Variants in STXBP5L observed in about 807,000 individuals in gnomAD.
STXBP5L encodes syntaxin binding protein 5L.
In STXBP5L, 65 loss-of-function variants were observed where a neutral mutation model predicts 144.5. The ratio of observed to expected loss-of-function variants is 0.45; its 90% CI spans 0.37 to 0.55. The LOEUF (loss-of-function observed/expected upper bound fraction) is 0.55, where lower values mean the gene tolerates loss of function less well. Among genes scored for constraint, STXBP5L ranks in the 20% least tolerant of loss-of-function variants. The pLI is 0.00. For missense variants in STXBP5L, 1,298 were observed against 1,405.5 expected, an observed-to-expected ratio of 0.92 and a Z score of 1.22; for synonymous variants, 505 against 469.6, an observed-to-expected ratio of 1.08 and a Z score of -0.97.
intron 5 of STXBP5L, among the ~76,000 whole-genome samples, chr3:121,085,606 A>G (rs1035676340): frequency 2.0e-5 from 3 of 152,190 alleles, no homozygotes; most frequent in Non-Finnish European, 2.9e-5. Context: ...ATATCTAGGA[A>G]TATAGCTAAC....
chr3:120,980,614 C>T (rs188630114), intron 3 of STXBP5L, among the ~76,000 whole-genome samples: 1 of 151,912 alleles, frequency 6.6e-6, no homozygotes, highest in Non-Finnish European at 1.5e-5. Flanking sequence ...AGGTGGGTTT[C>T]TTATAAGAAG....
At chr3:121,325,264 A>G (rs1182316984) in intron 20 of STXBP5L, among the ~76,000 whole-genome samples, 1 of 152,066 alleles carries the variant, frequency 6.6e-6, no homozygotes, top group Non-Finnish European at 1.5e-5. Context: ...CCCCAAATAA[A>G]GTCAGTAGCC....
At chr3:121,344,140 C>A (rs1024698157) in intron 20 of STXBP5L, among the ~76,000 whole-genome samples, 13 of 151,844 alleles carry the variant, frequency 8.6e-5, no homozygotes, top group South Asian at 4.1e-4. Context: ...GAAAAACAAG[C>A]AATGGGGAAA....
chr3:120,955,072 T>C (rs992472281), intron 3 of STXBP5L, 35 bp downstream of exon 3: 2 of 1,369,140 alleles, frequency 1.5e-6, no homozygotes, highest in Non-Finnish European at 2.1e-6. Context: ...TCTGCCACAG[T>C]AATGCCAATT....
Position 121,185,107 on chromosome 3 carries a change from A to G in STXBP5L, c.878-20816A>G, listed in dbSNP as rs185665245. ...CCACTCCTGGCCACTGCAAAAACAT[A>G]CCAGATTTTAAAGACCATCGACACT... On this transcript the variant is annotated intron_variant, in intron 9 of 26. Coordinates refer to ENST00000471454, the MANE Select transcript of STXBP5L (RefSeq NM_001308330.2). Among the ~76,000 whole-genome samples, 32 of 152,312 alleles carry G rather than the reference A, an allele frequency of 2.1e-4. No individual in the cohort carries two copies. In the East Asian group the frequency reaches 6.2e-3, roughly 29 times the overall value.
intron 3 of STXBP5L, among the ~76,000 whole-genome samples, chr3:121,009,868 C>T (rs1241954584): frequency 6.6e-6 from 1 of 151,822 alleles, no homozygotes; most frequent in Admixed American, 6.6e-5. Context: ...TGAATGTTCC[C>T]TATGCAGACA....
intron 22 of STXBP5L, among the ~76,000 whole-genome samples, chr3:121,391,814 G>C (rs1560049818): frequency 6.6e-6 from 1 of 152,320 alleles, no homozygotes; most frequent in Non-Finnish European, 1.5e-5. Context: ...TGAGGTGCCT[G>C]GCTGCCCCTA....
intron 5 of STXBP5L, among the ~76,000 whole-genome samples, chr3:121,079,650 G>C (rs1005892305): frequency 2.6e-5 from 4 of 152,072 alleles, no homozygotes; most frequent in African/African-American, 9.7e-5. Flanking sequence ...GTTCCTTTTG[G>C]AGTTGATTTC....
chr3:121,019,814 C>A (rs1443573829), intron 3 of STXBP5L, among the ~76,000 whole-genome samples: 1 of 152,134 alleles, frequency 6.6e-6, no homozygotes, highest in Non-Finnish European at 1.5e-5. Context: ...ATAATCTACC[C>A]AAATGAGAAG....
intron 22 of STXBP5L, among the ~76,000 whole-genome samples, chr3:121,387,796 C>T (rs1245166465): frequency 6.6e-6 from 1 of 151,998 alleles, no homozygotes; most frequent in Non-Finnish European, 1.5e-5. Flanking sequence ...ATGCTGTTTT[C>T]GTTACTGTAG....
chr3:120,986,832 CAG>C (rs1942331684), intron 3 of STXBP5L, among the ~76,000 whole-genome samples: 1 of 151,688 alleles, frequency 6.6e-6, no homozygotes, highest in South Asian at 2.1e-4. Context: ...AATTCAAAGA[CAG>C]ATTTAAGCAG....
At chr3:120,937,291 G>T (rs2107639649) in intron 2 of STXBP5L, among the ~76,000 whole-genome samples, 1 of 152,272 alleles carries the variant, frequency 6.6e-6, no homozygotes, top group South Asian at 2.1e-4. Context: ...CTGGAAGCAG[G>T]TTGAAATTTT....
At chr3:121,064,686 A>G (rs1205717987) in intron 5 of STXBP5L, among the ~76,000 whole-genome samples, 13 of 152,116 alleles carry the variant, frequency 8.5e-5, no homozygotes, top group Admixed American at 3.9e-4. Context: ...TTTTGTAGAG[A>G]TGTTCCACAT....
intron 22 of STXBP5L, among the ~76,000 whole-genome samples, chr3:121,385,363 A>G (rs2046404470): frequency 6.6e-6 from 1 of 152,108 alleles, no homozygotes; most frequent in East Asian, 1.9e-4. Context: ...GTACCACATA[A>G]TTTTAAATAA....
intron 19 of STXBP5L, among the ~76,000 whole-genome samples, chr3:121,298,788 GATACACAGTTTGAGTT>G (rs1381772617): frequency 6.6e-6 from 1 of 152,158 alleles, no homozygotes; most frequent in African/African-American, 2.4e-5. Context: ...CTGTTCAGTG[GATACACAGTTTGAGTT>G]ATACAAGATG....
At chr3:121,168,593 G>A (rs917490617) in intron 9 of STXBP5L, among the ~76,000 whole-genome samples, 1 of 152,154 alleles carries the variant, frequency 6.6e-6, no homozygotes, top group Non-Finnish European at 1.5e-5. Flanking sequence ...GGATAACAGA[G>A]ATTGAAGATC....
At chr3:121,039,640 A>G (rs1394688280) in intron 3 of STXBP5L, among the ~76,000 whole-genome samples, 1 of 151,784 alleles carries the variant, frequency 6.6e-6, no homozygotes, top group Non-Finnish European at 1.5e-5. Context: ...ATGATGAATT[A>G]TTTCAGTTTT....
At chr3:121,140,583 G>A (rs948688514) in intron 7 of STXBP5L, among the ~76,000 whole-genome samples, 32 of 152,164 alleles carry the variant, frequency 2.1e-4, no homozygotes, top group African/African-American at 7.2e-4. Flanking sequence ...CTTCTCATTC[G>A]CGACAACATG....
intron 3 of STXBP5L, among the ~76,000 whole-genome samples, chr3:120,960,588 G>C (rs1414354300): frequency 1.3e-5 from 2 of 152,168 alleles, no homozygotes; most frequent in Non-Finnish European, 2.9e-5. Flanking sequence ...CATAAAGAAG[G>C]ATGAGTTCAT....
Sources: gnomAD v4.1 joint callset for allele counts (sites outside exome capture counted in the v4.1 genomes callset) on GRCh38, gnomAD v4.1.1 for gene constraint, MANE v1.5 for transcripts, NCBI Gene and HGNC (gene_info 2026-07-23, HGNC 2026-07-21) for gene names.